Variants in ATRX observed in about 807,000 individuals in gnomAD.
ATRX encodes the protein chromatin remodeler ATRX.
Under a neutral mutation model 172.6 loss-of-function variants are expected in ATRX, and 12 were observed. The observed-to-expected ratio is 0.07, with a 90% CI of 0.04 to 0.11. The LOEUF (loss-of-function observed/expected upper bound fraction) is 0.11. Among genes scored for constraint, ATRX ranks in the 10% least tolerant of loss-of-function variants. ATRX has a pLI of 1.00. For synonymous variants in ATRX, 674 were observed against 594.7 expected (o/e 1.13, Z -1.94); for missense variants, 1,368 against 1,767.4 (o/e 0.77, Z 4.05).
intron 30 of ATRX, among the ~76,000 whole-genome samples, chrX:77,537,036 C>G (rs1291576000): frequency 8.9e-6 from 1 of 111,937 alleles, no homozygotes; most frequent in Non-Finnish European, 1.9e-5. Context: ...TACTGAGTAT[C>G]TGAAGTGTGA....
At chrX:77,566,745 C>T (rs1453230439) in intron 28 of ATRX, among the ~76,000 whole-genome samples, 1 of 110,161 alleles carries the variant, frequency 9.1e-6, no homozygotes. Flanking sequence ...AGAGCAAGAC[C>T]CTGCTTAAAA....
chrX:77,666,920 C>T (rs1027836879), intron 10 of ATRX, among the ~76,000 whole-genome samples: 1 of 111,308 alleles, frequency 9.0e-6, no homozygotes, highest in African/African-American at 3.3e-5. Context: ...GGTGAGAAAA[C>T]GTTTAAACAT....
intron 30 of ATRX, among the ~76,000 whole-genome samples, chrX:77,525,432 AAC>A (rs1557043355): frequency 8.9e-6 from 1 of 112,436 alleles, no homozygotes; most frequent in African/African-American, 3.2e-5. Context: ...AAAACCAGAT[AAC>A]ACTGACTTAA....
In ATRX at chrX:77,681,610, T is replaced by C. The variant is rs782062542; in HGVS notation, c.3646A>G (p.Ile1216Val). The C allele has an allele frequency of 1.8e-5, 22 of 1,205,555 alleles. No individual in the cohort carries two copies. In the East Asian group the frequency reaches 4.7e-4, roughly 26 times the overall value. Residue 1216 changes from isoleucine (I) to valine (V), a missense_variant, in exon 9 of 35, where the codon ATA (isoleucine) becomes GTA (valine). By Grantham distance (29) the Ile-to-Val change is conservative. Coordinates refer to ENST00000373344, the MANE Select transcript of ATRX (RefSeq NM_000489.6). ...SDIEDDDQNS[I>V]GEGSSDEQKI... ...TGTTCATCGCTGCTTCCCTCACCTA[T>C]AGAATTCTGATCATCATCTTCTATA...
chrX:77,752,526 G>C, intron 1 of ATRX, among the ~76,000 whole-genome samples: 1 of 112,182 alleles, frequency 8.9e-6, no homozygotes, highest in African/African-American at 3.2e-5. Flanking sequence ...TGGTGAGAGA[G>C]GGCATCCTTG....
At chrX:77,773,092 TAAAAAAAAAAAAAAA>T (rs782649057) in intron 1 of ATRX, among the ~76,000 whole-genome samples, 2 of 37,358 alleles carry the variant, frequency 5.4e-5, no homozygotes, top group African/African-American at 1.2e-4. Flanking sequence ...AAATTTCAGC[TAAAAAAAAAAAAAAA>T]AAAAAAAAAG....
chrX:77,722,212 C>T (rs1230823326), intron 1 of ATRX, among the ~76,000 whole-genome samples: 1 of 110,935 alleles, frequency 9.0e-6, no homozygotes, highest in East Asian at 2.8e-4. Context: ...GACCTAAAAC[C>T]ATAAAAACCC....
intron 1 of ATRX, among the ~76,000 whole-genome samples, chrX:77,761,765 A>T (rs782280986): frequency 9.0e-6 from 1 of 111,184 alleles, no homozygotes; most frequent in South Asian, 3.9e-4. Context: ...TAGTCATCCT[A>T]CGTGATTCCA....
At chrX:77,692,347 A>G (rs2071937825) in intron 6 of ATRX, among the ~76,000 whole-genome samples, 1 of 111,887 alleles carries the variant, frequency 8.9e-6, no homozygotes, top group South Asian at 3.8e-4. Flanking sequence ...TTTCCCTACC[A>G]TGAACTAGAT....
chrX:77,530,387 A>G (rs1419043425), intron 30 of ATRX, among the ~76,000 whole-genome samples: 1 of 110,807 alleles, frequency 9.0e-6, no homozygotes, highest in Non-Finnish European at 1.9e-5. Context: ...CGGGTGGATC[A>G]CTTGAGGTCA....
At chrX:77,598,530 C>T (rs1018772740) in intron 25 of ATRX, among the ~76,000 whole-genome samples, 16 of 112,166 alleles carry the variant, frequency 1.4e-4, no homozygotes, top group African/African-American at 4.5e-4. Context: ...CACAGGATCA[C>T]TAACCTAGGT....
rs782160445 is a variant in ATRX at position 77,741,448 on chromosome X, G to A, written c.21-24205C>T. Among the ~76,000 whole-genome samples, 19 of 107,053 alleles carry A rather than the reference G, an allele frequency of 1.8e-4. No individual in the cohort carries two copies. In the East Asian group the frequency reaches 5.3e-3, roughly 30 times the overall value. The allele number at this position is 107,053 out of a possible 115,157, so 93.0% of individuals were successfully genotyped here. On this transcript the variant is annotated intron_variant, in intron 1 of 34. Coordinates refer to ENST00000373344, the MANE Select transcript of ATRX (RefSeq NM_000489.6). ...GATAGTGACCTTTTTTTTGGGGGGGGGATTGCTTCATTTTGTTTGTTTGTT... is the reference window on the plus strand; with the variant it reads ...GATAGTGACCTTTTTTTTGGGGGGGAGATTGCTTCATTTTGTTTGTTTGTT...
At chrX:77,646,152 A>G (rs1385317658) in intron 15 of ATRX, among the ~76,000 whole-genome samples, 6 of 112,230 alleles carry the variant, frequency 5.3e-5, no homozygotes, top group Non-Finnish European at 7.5e-5. Context: ...AAACTCCTGG[A>G]TCAAAAAGAC....
chrX:77,606,757 C>CAAA (rs782601756), intron 22 of ATRX, among the ~76,000 whole-genome samples: 9 of 66,944 alleles, frequency 1.3e-4, no homozygotes, highest in Admixed American at 4.0e-4. Context: ...CTCATCTCTA[C>CAAA]AAAAAAAAAA....
At chrX:77,511,457 G>A (rs782707599) in intron 34 of ATRX, among the ~76,000 whole-genome samples, 3 of 111,461 alleles carry the variant, frequency 2.7e-5, no homozygotes, top group African/African-American at 3.3e-5. Context: ...ATCACCAAAC[G>A]AACTAAATAA....
In ATRX at chrX:77,704,574, C is replaced by T. The variant is rs782319227; in HGVS notation, c.134-5945G>A. On this transcript the variant is annotated intron_variant, in intron 2 of 34. Transcript: ENST00000373344. The stretch of plus-strand genomic sequence containing the variant: ...CCTGCTGCCATTCATGGTGCCCAGG[C>T]TGTAGATGCAAGGGGGCACCTGCAG... 7.0e-4 allele frequency among the ~76,000 whole-genome samples: 78 copies of T among 112,092 alleles called. 1 individual carries two copies. Among genetic ancestry groups the T allele is most frequent in the African/African-American group, 2.3e-3 (70 of 30,879 alleles).
At chrX:77,565,540 GA>G (rs1569524011) in intron 28 of ATRX, among the ~76,000 whole-genome samples, 1 of 111,791 alleles carries the variant, frequency 8.9e-6, no homozygotes, top group African/African-American at 3.2e-5. Flanking sequence ...AAAGAAACAA[GA>G]AGACATAAAA....
chrX:77,604,765 A>G (rs1472340350), intron 22 of ATRX, among the ~76,000 whole-genome samples: 3 of 112,791 alleles, frequency 2.7e-5, no homozygotes, highest in Non-Finnish European at 3.7e-5. Context: ...GTGTCTATCA[A>G]AAGATGAACA....
intron 1 of ATRX, among the ~76,000 whole-genome samples, chrX:77,721,134 C>A (rs782535285): frequency 2.4e-4 from 27 of 111,508 alleles, no homozygotes; most frequent in Admixed American, 2.0e-3. Flanking sequence ...CACTCCTTCA[C>A]GCTAAAAACT....
Sources: allele counts gnomAD v4.1 joint callset (sites outside exome capture counted in the v4.1 genomes callset), GRCh38; gene constraint gnomAD v4.1.1; transcripts MANE v1.5; gene names NCBI Gene and HGNC (gene_info 2026-07-23, HGNC 2026-07-21).